The following HIVEP3 variants were observed in gnomAD, a reference collection of about 807,000 sequenced individuals.
HIVEP3 encodes HIVEP zinc finger 3.
HIVEP3 carries 49 observed loss-of-function variants against 152.8 expected under a neutral mutation model. The observed-to-expected ratio is 0.32, with a 90% CI of 0.26 to 0.41. The LOEUF (loss-of-function observed/expected upper bound fraction) is 0.41. Among genes scored for constraint, HIVEP3 ranks in the 10% least tolerant of loss-of-function variants. The pLI is 1.00. For synonymous variants in HIVEP3, 1,269 were observed against 1,289.0 expected, an observed-to-expected ratio of 0.98 and a Z score of 0.33; for missense variants, 2,790 against 3,103.3, an observed-to-expected ratio of 0.90 and a Z score of 2.40.
chr1:41,752,498 G>A (rs1647183169), intron 1 of HIVEP3, among the ~76,000 whole-genome samples: 1 of 152,244 alleles, frequency 6.6e-6, no homozygotes, highest in African/African-American at 2.4e-5. Context: ...AGGGGCTGGT[G>A]CCTAACCCAG....
intron 1 of HIVEP3, among the ~76,000 whole-genome samples, chr1:41,872,122 C>T (rs994993347): frequency 1.3e-5 from 2 of 152,026 alleles, no homozygotes; most frequent in Admixed American, 6.6e-5. Context: ...AAACTTCAGC[C>T]GAATTAAATT....
chr1:41,794,721 A>G (rs993455890), intron 1 of HIVEP3, among the ~76,000 whole-genome samples: 1 of 152,146 alleles, frequency 6.6e-6, no homozygotes, highest in African/African-American at 2.4e-5. Flanking sequence ...AACTTTTCCC[A>G]TGTTTATTAG....
At chr1:41,671,572 C>G (rs1018179536) in intron 2 of HIVEP3, among the ~76,000 whole-genome samples, 5 of 152,348 alleles carry the variant, frequency 3.3e-5, no homozygotes, top group African/African-American at 9.6e-5. Flanking sequence ...TCTACAGAGT[C>G]CTATAGCTTC....
chr1:41,986,346 C>T (rs573044230), intron 1 of HIVEP3, among the ~76,000 whole-genome samples: 2 of 151,898 alleles, frequency 1.3e-5, no homozygotes, highest in South Asian at 2.1e-4. Flanking sequence ...TTCATAATTA[C>T]AAGGCTTCCA....
intron 1 of HIVEP3, among the ~76,000 whole-genome samples, chr1:41,701,942 G>A (rs991562080): frequency 8.4e-4 from 128 of 152,272 alleles, no homozygotes; most frequent in African/African-American, 3.0e-3. Context: ...TAGGGATCCT[G>A]GTTCAAGAAG....
intron 1 of HIVEP3, among the ~76,000 whole-genome samples, chr1:41,955,671 C>T (rs1645136599): frequency 6.6e-6 from 1 of 152,206 alleles, no homozygotes; most frequent in Admixed American, 6.5e-5. Context: ...TCCTGGGGCA[C>T]AGTTCCTTTT....
At chr1:41,812,032 T>C (rs1019864958) in intron 1 of HIVEP3, among the ~76,000 whole-genome samples, 3 of 152,112 alleles carry the variant, frequency 2.0e-5, no homozygotes, top group African/African-American at 7.2e-5. Context: ...ATTTTTACAA[T>C]GGTATAAAGA....
chr1:41,899,237 C>T (rs1644581150), intron 1 of HIVEP3, among the ~76,000 whole-genome samples: 2 of 152,190 alleles, frequency 1.3e-5, no homozygotes, highest in African/African-American at 4.8e-5. Flanking sequence ...TGTGGGCTCT[C>T]ATCTGATGTG....
At chr1:41,570,272 A>C (rs1341398283) in intron 5 of HIVEP3, among the ~76,000 whole-genome samples, 1 of 152,232 alleles carries the variant, frequency 6.6e-6, no homozygotes, top group East Asian at 1.9e-4. Context: ...AGAAGGTGAT[A>C]GGGTTTGTCT....
In HIVEP3 at chr1:41,545,491, TCAC is replaced by T. The variant is rs1314827629; in HGVS notation, c.5208-20584_5208-20582del. Among the ~76,000 whole-genome samples, 369 of 88,628 alleles carry T rather than the reference TCAC, an allele frequency of 4.2e-3. 1 individual carries two copies. Among genetic ancestry groups the T allele is most frequent in the Non-Finnish European group, 5.6e-3 (236 of 42,434 alleles). The allele number at this position is 88,628 out of a possible 152,430, so 58.1% of individuals were successfully genotyped here. On this transcript the variant is annotated intron_variant, in intron 5 of 8. Transcript: ENST00000372583. ...ACCACCAACACCACTACCACCAGCA[TCAC>T]CACCACTACCACCATCGCTACCATC...
chr1:42,005,957 G>A (rs758413556), intron 1 of HIVEP3, among the ~76,000 whole-genome samples: 37 of 152,098 alleles, frequency 2.4e-4, no homozygotes, highest in Admixed American at 7.2e-4. Context: ...TTCATAACTA[G>A]TTTCTTTTTT....
chr1:41,719,363 T>A (rs1286423853), intron 1 of HIVEP3, among the ~76,000 whole-genome samples: 1 of 152,244 alleles, frequency 6.6e-6, no homozygotes, highest in Non-Finnish European at 1.5e-5. Context: ...GAGCAAGAAC[T>A]TGTTTTGCCT....
intron 1 of HIVEP3, among the ~76,000 whole-genome samples, chr1:41,789,917 A>G (rs1649586139): frequency 6.6e-6 from 1 of 152,270 alleles, no homozygotes; most frequent in Non-Finnish European, 1.5e-5. Flanking sequence ...CAGCTTATGC[A>G]TAGACAGCTT....
intron 1 of HIVEP3, among the ~76,000 whole-genome samples, chr1:41,817,194 G>T (rs570652481): frequency 6.6e-6 from 1 of 152,322 alleles, no homozygotes; most frequent in East Asian, 1.9e-4. Context: ...GCTGATAAAT[G>T]GCAAAGCTGA....
intron 2 of HIVEP3, among the ~76,000 whole-genome samples, chr1:41,694,620 T>G (rs1646245192): frequency 6.6e-6 from 1 of 152,220 alleles, no homozygotes; most frequent in Admixed American, 6.5e-5. Flanking sequence ...AGTGGCTCAC[T>G]ACTAGACTGC....
chr1:41,522,220 C>T (rs1055352273), intron 6 of HIVEP3, among the ~76,000 whole-genome samples: 2 of 152,180 alleles, frequency 1.3e-5, no homozygotes, highest in African/African-American at 4.8e-5. Context: ...GCCCAGCACT[C>T]CACAAAGACA....
intron 1 of HIVEP3, among the ~76,000 whole-genome samples, chr1:41,954,563 A>G (rs1451133825): frequency 6.6e-6 from 1 of 152,252 alleles, no homozygotes; most frequent in African/African-American, 2.4e-5. Flanking sequence ...AGGACAGGCC[A>G]GTCGTCATCA....
intron 1 of HIVEP3, among the ~76,000 whole-genome samples, chr1:41,889,361 G>A (rs1644410815): frequency 1.3e-5 from 2 of 152,220 alleles, no homozygotes. Flanking sequence ...GGCAGGAGTT[G>A]TGGAGTCACT....
chr1:41,598,825 A>ATTTATTTATTTATTTATTTATTTATTTAT (rs759358685), intron 3 of HIVEP3, among the ~76,000 whole-genome samples: 261 of 151,450 alleles, frequency 1.7e-3, no homozygotes, highest in East Asian at 0.011. Flanking sequence ...TTATTTATTT[A>ATTTATTTATTTATTTATTTATTTATTTAT]TTTATTTAGG....
Sources: allele counts gnomAD v4.1 joint callset (sites outside exome capture counted in the v4.1 genomes callset), GRCh38; gene constraint gnomAD v4.1.1; transcripts MANE v1.5; gene names NCBI Gene and HGNC (gene_info 2026-07-23, HGNC 2026-07-21).